Variants in STXBP5L observed in about 807,000 individuals in gnomAD.
The protein encoded by STXBP5L is syntaxin binding protein 5L, also known as syntaxin-binding protein 5-like.
A neutral mutation model predicts 144.5 loss-of-function variants in STXBP5L; 65 were observed. That is an observed-to-expected ratio of 0.45 (90% CI 0.37 to 0.55). The LOEUF (loss-of-function observed/expected upper bound fraction) is 0.55. STXBP5L is among the 20% of genes least tolerant of loss of function. The probability of loss-of-function intolerance (pLI) is 0.00; values close to 1 mark genes in which losing one functional copy is unlikely to be tolerated. For synonymous variants in STXBP5L, 505 were observed against 469.6 expected, an observed-to-expected ratio of 1.08 and a Z score of -0.97; for missense variants, 1,298 against 1,405.5, an observed-to-expected ratio of 0.92 and a Z score of 1.22.
intron 5 of STXBP5L, among the ~76,000 whole-genome samples, chr3:121,067,701 G>A (rs1186519734): frequency 2.6e-5 from 4 of 152,172 alleles, no homozygotes; most frequent in South Asian, 4.1e-4. Flanking sequence ...ATTAAGAGAG[G>A]ACCGTTAAAA....
At chr3:120,958,312 C>T (rs1366922252) in intron 3 of STXBP5L, among the ~76,000 whole-genome samples, 4 of 152,068 alleles carry the variant, frequency 2.6e-5, no homozygotes, top group African/African-American at 9.7e-5. Flanking sequence ...GATTCACAGC[C>T]GAATTCTACC....
chr3:121,044,975 A>G (rs1236967397), intron 4 of STXBP5L, among the ~76,000 whole-genome samples: 1 of 152,162 alleles, frequency 6.6e-6, no homozygotes, highest in African/African-American at 2.4e-5. Flanking sequence ...TTTAGGAAGA[A>G]TATACGCTTT....
intron 3 of STXBP5L, among the ~76,000 whole-genome samples, chr3:121,032,572 G>C (rs908833804): frequency 2.9e-4 from 43 of 147,408 alleles, no homozygotes; most frequent in Non-Finnish European, 5.4e-4. Flanking sequence ...TTGACAAATG[G>C]GATCTAATTA....
At chr3:121,001,156 T>C (rs1943743097) in intron 3 of STXBP5L, among the ~76,000 whole-genome samples, 1 of 152,192 alleles carries the variant, frequency 6.6e-6, no homozygotes, top group African/African-American at 2.4e-5. Flanking sequence ...GGTCTGTGCA[T>C]AGGCATGTGT....
intron 9 of STXBP5L, among the ~76,000 whole-genome samples, chr3:121,184,490 T>C (rs2047289345): frequency 6.6e-6 from 1 of 151,278 alleles, no homozygotes; most frequent in Non-Finnish European, 1.5e-5. Flanking sequence ...CTTAATGAAA[T>C]AAAGTGTGAA....
chr3:121,256,624 G>A (rs2050213992), intron 16 of STXBP5L, among the ~76,000 whole-genome samples: 2 of 151,682 alleles, frequency 1.3e-5, no homozygotes, highest in Admixed American at 1.3e-4. Flanking sequence ...AATTTTTAGT[G>A]AATTAATGCA....
chr3:120,996,999 A>G (rs1461191771), intron 3 of STXBP5L, among the ~76,000 whole-genome samples: 1 of 152,036 alleles, frequency 6.6e-6, no homozygotes, highest in South Asian at 2.1e-4. Context: ...ATTTTTATCC[A>G]TGTGTACTCA....
chr3:121,343,433 AT>A, intron 20 of STXBP5L, among the ~76,000 whole-genome samples: 1 of 152,266 alleles, frequency 6.6e-6, no homozygotes, highest in East Asian at 1.9e-4. Flanking sequence ...AAGGTTATTC[AT>A]TTCGGAAAAG....
intron 7 of STXBP5L, among the ~76,000 whole-genome samples, chr3:121,134,478 A>G (rs1016394040): frequency 6.6e-6 from 1 of 152,230 alleles, no homozygotes; most frequent in East Asian, 1.9e-4. Flanking sequence ...ATATGTATAC[A>G]TGTGCCATGT....
At chr3:121,214,924 CTCT>C (rs1195853500) in intron 10 of STXBP5L, among the ~76,000 whole-genome samples, 4 of 151,964 alleles carry the variant, frequency 2.6e-5, no homozygotes, top group Admixed American at 2.0e-4. Context: ...GGATAGTTAC[CTCT>C]TCTTCTTGCA....
At chr3:121,142,068 A>C (rs1384461538) in intron 7 of STXBP5L, among the ~76,000 whole-genome samples, 1 of 152,140 alleles carries the variant, frequency 6.6e-6, no homozygotes, top group Non-Finnish European at 1.5e-5. Context: ...AACATGTTTC[A>C]TGCAAATGAT....
chr3:121,287,621 G>A (rs2051276499), intron 19 of STXBP5L, among the ~76,000 whole-genome samples: 1 of 151,964 alleles, frequency 6.6e-6, no homozygotes, highest in Admixed American at 6.6e-5. Context: ...ACGAGGTCAG[G>A]GGTTCGAGAC....
intron 7 of STXBP5L, among the ~76,000 whole-genome samples, chr3:121,124,739 A>T (rs969279831): frequency 3.3e-5 from 5 of 152,046 alleles, no homozygotes; most frequent in African/African-American, 1.2e-4. Context: ...CTTCCTTTCC[A>T]ATATTTATGG....
In STXBP5L at chr3:121,196,060, A is replaced by AT. The variant is rs573206530; in HGVS notation, c.878-9853dup. Among the ~76,000 whole-genome samples the AT allele has an allele frequency of 7.5e-4, 108 of 144,650 alleles. 1 individual carries two copies. Among genetic ancestry groups the AT allele is most frequent in the South Asian group, 1.7e-3 (8 of 4,594 alleles). The allele number at this position is 144,650 out of a possible 152,430, so 94.9% of individuals were successfully genotyped here. On this transcript the variant is annotated intron_variant, in intron 9 of 26. Coordinates refer to ENST00000471454, the MANE Select transcript of STXBP5L (RefSeq NM_001308330.2). Reference sequence around the variant, plus strand: ...TTTGTGGTTTCATGTGAATTTTAGGATTTTTTTTTTCTATTTCTGTAGAGT... The same window carrying AT: ...TTTGTGGTTTCATGTGAATTTTAGGATTTTTTTTTTTCTATTTCTGTAGAGT...
chr3:121,344,487 C>A (rs1038917255), intron 20 of STXBP5L, among the ~76,000 whole-genome samples: 2 of 151,888 alleles, frequency 1.3e-5, no homozygotes, highest in African/African-American at 4.8e-5. Context: ...TTATCTTCAG[C>A]CAACAAAAAG....
chr3:121,184,751 GAC>G (rs2047301612), intron 9 of STXBP5L, among the ~76,000 whole-genome samples: 1 of 151,986 alleles, frequency 6.6e-6, no homozygotes, highest in Non-Finnish European at 1.5e-5. Context: ...GCAAACCCAA[GAC>G]ACACAATTGT....
At chr3:121,316,436 T>C (rs1476811260) in intron 19 of STXBP5L, among the ~76,000 whole-genome samples, 1 of 152,208 alleles carries the variant, frequency 6.6e-6, no homozygotes, top group East Asian at 1.9e-4. Flanking sequence ...AAACTCTTTC[T>C]AACATATACA....
chr3:121,035,088 T>C (rs1288456207), intron 3 of STXBP5L, among the ~76,000 whole-genome samples: 2 of 152,170 alleles, frequency 1.3e-5, no homozygotes, highest in African/African-American at 4.8e-5. Flanking sequence ...GTTGTTGAGT[T>C]GTTTGAGTTC....
intron 18 of STXBP5L, among the ~76,000 whole-genome samples, chr3:121,259,451 T>C (rs2050316497): frequency 6.6e-6 from 1 of 152,112 alleles, no homozygotes; most frequent in African/African-American, 2.4e-5. Flanking sequence ...TTTTTTTCTC[T>C]TTATATTTCA....
Sources: allele counts gnomAD v4.1 joint callset (sites outside exome capture counted in the v4.1 genomes callset), GRCh38; gene constraint gnomAD v4.1.1; transcripts MANE v1.5; gene names NCBI Gene and HGNC (gene_info 2026-07-23, HGNC 2026-07-21).